DMGDH: variants seen among roughly 807,000 people sequenced by gnomAD.
DMGDH encodes the protein dimethylglycine dehydrogenase, mitochondrial.
A neutral mutation model predicts 95.2 loss-of-function variants in DMGDH; 76 were observed. The observed-to-expected ratio is 0.80, with a 90% CI of 0.66 to 0.97. The LOEUF is 0.97. Ranked by LOEUF, DMGDH falls within the 50% of genes least tolerant of loss-of-function variation. The pLI is 0.00. For synonymous variants in DMGDH, 345 were observed against 377.6 expected (o/e 0.91, Z 1.00); for missense variants, 987 against 1,055.0 (o/e 0.94, Z 0.89).
At position 79,026,786 on chromosome 5, in the gene DMGDH, T is replaced by C. The variant is rs115558614; in HGVS notation, c.2033-205A>G. On this transcript the variant is annotated intron_variant, in intron 12 of 15. Coordinates refer to ENST00000255189, the MANE Select transcript of DMGDH (RefSeq NM_013391.3). ...ATCACAGATGCATTTGTGCCGATCC[T>C]GACTCCCATGTAGATGGTGGTATGC... 5.0e-3 allele frequency among the ~76,000 whole-genome samples: 768 copies of C among 152,324 alleles called. 5 individuals are homozygous for C. The highest frequency in any genetic ancestry group is 0.017 in the African/African-American group (727 of 41,578).
At chr5:79,056,322 C>A (rs1173748198) in intron 2 of DMGDH, among the ~76,000 whole-genome samples, 1 of 152,038 alleles carries the variant, frequency 6.6e-6, no homozygotes, top group African/African-American at 2.4e-5. Flanking sequence ...ACCAGCCTGG[C>A]CAACATGGTG....
chr5:79,042,707 TTTAA>T (rs1259292219), intron 6 of DMGDH, among the ~76,000 whole-genome samples: 11 of 152,360 alleles, frequency 7.2e-5, no homozygotes, highest in African/African-American at 2.6e-4. Flanking sequence ...AAAGTTAACC[TTTAA>T]TTAATATAAA....
At chr5:79,047,295 A>T (rs1259407325) in intron 5 of DMGDH, among the ~76,000 whole-genome samples, 1 of 152,186 alleles carries the variant, frequency 6.6e-6, no homozygotes, top group African/African-American at 2.4e-5. Flanking sequence ...AATAAAAATG[A>T]GGTTAAAATG....
chr5:79,041,154 C>T (rs188573435), intron 7 of DMGDH, among the ~76,000 whole-genome samples: 1 of 152,270 alleles, frequency 6.6e-6, no homozygotes, highest in East Asian at 1.9e-4. Flanking sequence ...ATTTTATCTC[C>T]CATCTCTCAG....
At chr5:79,010,911 G>T in intron 14 of DMGDH, among the ~76,000 whole-genome samples, 1 of 152,122 alleles carries the variant, frequency 6.6e-6, no homozygotes, top group East Asian at 1.9e-4. Context: ...CAGATGACAG[G>T]CTGTGCCACT....
At chr5:79,055,479 C>T (rs77685863) in intron 3 of DMGDH, among the ~76,000 whole-genome samples, 10,869 of 152,184 alleles carry the variant, frequency 0.071, 844 homozygotes, top group African/African-American at 0.18. Flanking sequence ...TACATTCTAT[C>T]GTCAGATCCT....
intron 14 of DMGDH, chr5:79,021,430 G>GAT: frequency 1.7e-6 from 2 of 1,193,410 alleles, no homozygotes; most frequent in Non-Finnish European, 2.1e-6. Context: ...ATGAATGAAT[G>GAT]ATACATGTGT....
At chr5:79,022,123 T>A (rs1753884518) in intron 14 of DMGDH, among the ~76,000 whole-genome samples, 1 of 152,256 alleles carries the variant, frequency 6.6e-6, no homozygotes. Flanking sequence ...AATAACTGAT[T>A]TCAAACAATT....
chr5:79,026,591 A>G lies in DMGDH; in HGVS notation c.2033-10T>C. The G allele has an allele frequency of 6.2e-7, 1 of 1,613,976 alleles. No homozygotes were observed. The highest frequency in any genetic ancestry group is 1.1e-5 in the South Asian group (1 of 91,072). ...TCCCAACCCAGCTCACCTGAAATAA[A>G]CCCACAGGTGCCACAGCAGGGCAAG... On this transcript the variant is annotated splice_polypyrimidine_tract_variant and intron_variant, in intron 12 of 15. Transcript: ENST00000255189.
chr5:79,049,076 T>C (rs1057335028), intron 5 of DMGDH, among the ~76,000 whole-genome samples: 1 of 152,114 alleles, frequency 6.6e-6, no homozygotes, highest in African/African-American at 2.4e-5. Context: ...CAGGGACTTG[T>C]TTTCCAGGCT....
chr5:79,044,215 T>C, intron 6 of DMGDH, 89 bp downstream of exon 6: 1 of 1,578,490 alleles, frequency 6.3e-7, no homozygotes, highest in East Asian at 2.2e-5. Flanking sequence ...AGTATTATGT[T>C]GTTGTCTTAT....
chr5:79,037,748 G>A (rs574587817), intron 7 of DMGDH, among the ~76,000 whole-genome samples: 2 of 152,294 alleles, frequency 1.3e-5, no homozygotes, highest in East Asian at 1.9e-4. Flanking sequence ...CATGAGATCA[G>A]TGACTCTATC....
chr5:79,035,138 C>T (rs1380339575), intron 7 of DMGDH, among the ~76,000 whole-genome samples: 1 of 150,274 alleles, frequency 6.7e-6, no homozygotes, highest in African/African-American at 2.4e-5. Context: ...TTTTAATAGA[C>T]ATGGGGCATC....
At chr5:79,035,731 G>C (rs1311181403) in intron 7 of DMGDH, among the ~76,000 whole-genome samples, 1 of 128,428 alleles carries the variant, frequency 7.8e-6, no homozygotes, top group Non-Finnish European at 1.7e-5. Flanking sequence ...ATTTGGGTGG[G>C]AGTGGTGGGC....
At chr5:79,028,224 A>G (rs889639373) in intron 12 of DMGDH, among the ~76,000 whole-genome samples, 12 of 152,146 alleles carry the variant, frequency 7.9e-5, no homozygotes, top group African/African-American at 2.9e-4. Flanking sequence ...ACCACTTTCA[A>G]GATGAGGAGT....
intron 13 of DMGDH, among the ~76,000 whole-genome samples, chr5:79,025,040 CTCA>C (rs1484386963): frequency 6.6e-6 from 1 of 152,194 alleles, no homozygotes; most frequent in East Asian, 1.9e-4. Flanking sequence ...AAAACGTTGC[CTCA>C]TATTTCTTAA....
At chr5:79,045,843 C>G (rs1401318513) in intron 5 of DMGDH, among the ~76,000 whole-genome samples, 1 of 152,180 alleles carries the variant, frequency 6.6e-6, no homozygotes, top group Non-Finnish European at 1.5e-5. Context: ...CCAAGCTAGA[C>G]AGAGAATCAT....
chr5:79,056,045 T>C (rs372619326), intron 2 of DMGDH, 137 bp from the exon 3 acceptor site: 2 of 665,714 alleles, frequency 3.0e-6, no homozygotes, highest in African/African-American at 3.6e-5. Context: ...TGAGAACACA[T>C]CAGCACCAGT....
At chr5:79,012,600 C>T (rs894767311) in intron 14 of DMGDH, among the ~76,000 whole-genome samples, 1 of 152,240 alleles carries the variant, frequency 6.6e-6, no homozygotes, top group Non-Finnish European at 1.5e-5. Flanking sequence ...ACCCTTGCAG[C>T]AGGCTTCTAC....
Sources: allele counts gnomAD v4.1 joint callset (sites outside exome capture counted in the v4.1 genomes callset), GRCh38; gene constraint gnomAD v4.1.1; transcripts MANE v1.5; gene names NCBI Gene and HGNC (gene_info 2026-07-23, HGNC 2026-07-21).